The following HHAT variants were observed in gnomAD, a reference collection of about 807,000 sequenced individuals.
HHAT encodes protein-cysteine N-palmitoyltransferase HHAT.
In HHAT, 47 loss-of-function variants were observed where a neutral mutation model predicts 70.8. That is an observed-to-expected ratio of 0.66 (90% CI 0.53 to 0.85). HHAT has a LOEUF of 0.85. Among genes scored for constraint, HHAT ranks in the 40% least tolerant of loss-of-function variants. HHAT has a pLI of 0.00. For missense variants in HHAT, 609 were observed against 604.8 expected (o/e 1.01, Z -0.07); for synonymous variants, 228 against 247.6 (o/e 0.92, Z 0.74).
At chr1:210,521,242 G>C (rs573402498) in intron 9 of HHAT, among the ~76,000 whole-genome samples, 15 of 152,204 alleles carry the variant, frequency 9.9e-5, no homozygotes, top group Non-Finnish European at 2.2e-4. Context: ...CATGACAGCT[G>C]TTCACTGCTT....
At chr1:210,357,723 G>A (rs1187740078) in intron 2 of HHAT, among the ~76,000 whole-genome samples, 2 of 152,204 alleles carry the variant, frequency 1.3e-5, no homozygotes, top group Non-Finnish European at 2.9e-5. Context: ...GGGAGGCTGA[G>A]GCAGGAGAAT....
chr1:210,656,285 A>G (rs1251998551), intron 11 of HHAT, among the ~76,000 whole-genome samples: 2 of 151,252 alleles, frequency 1.3e-5, no homozygotes, highest in East Asian at 3.9e-4. Context: ...AGACCTACAT[A>G]GAGGAAGTGG....
chr1:210,652,665 G>A (rs1044254994), intron 11 of HHAT, among the ~76,000 whole-genome samples: 3 of 152,184 alleles, frequency 2.0e-5, no homozygotes, highest in East Asian at 1.9e-4. Context: ...TGCCTCACTC[G>A]TGTAGATCTA....
chr1:210,674,192 C>T (rs1680758742), intron 11 of HHAT, 96 bp from the exon 12 acceptor site: 1 of 963,354 alleles, frequency 1.0e-6, no homozygotes, highest in Non-Finnish European at 1.7e-6. Flanking sequence ...TGTTGTTTGT[C>T]AGGTTGCCTT....
intron 3 of HHAT, among the ~76,000 whole-genome samples, chr1:210,383,684 G>T (rs564828877): frequency 6.6e-6 from 1 of 152,146 alleles, no homozygotes; most frequent in Non-Finnish European, 1.5e-5. Flanking sequence ...ATATTACTGT[G>T]GTGGGAGATG....
At chr1:210,388,679 C>T (rs1345734117) in intron 4 of HHAT, among the ~76,000 whole-genome samples, 1 of 151,648 alleles carries the variant, frequency 6.6e-6, no homozygotes, top group Non-Finnish European at 1.5e-5. Flanking sequence ...TTTTTTTGTT[C>T]CTAAGCTAGT....
At chr1:210,362,236 C>CTTTTTTT (rs72236593) in intron 2 of HHAT, among the ~76,000 whole-genome samples, 3 of 139,672 alleles carry the variant, frequency 2.1e-5, no homozygotes, top group Non-Finnish European at 4.7e-5. Flanking sequence ...GTCAAAATTT[C>CTTTTTTT]TTTTTTTTTT....
rs564825256 is a variant in HHAT, at chr1:210,336,800, A to C, written c.-44+7696A>C. Among the ~76,000 whole-genome samples, 4 of 152,300 alleles carry C rather than the reference A, an allele frequency of 2.6e-5. No individual in the cohort carries two copies. The South Asian group carries it at 8.3e-4, about 32-fold the overall frequency. On this transcript the variant is annotated intron_variant, in intron 1 of 11. Transcript: ENST00000261458. ...CCTGTTTAAGAAAAAAATAAAAAAT[A>C]AGAAAAAGGAAGCCTTAAGGTTTTT...
chr1:210,615,575 C>G (rs902489317), intron 10 of HHAT, among the ~76,000 whole-genome samples: 7 of 152,124 alleles, frequency 4.6e-5, no homozygotes, highest in Admixed American at 6.5e-5. Context: ...GTTTTATTTA[C>G]CTTTGGTCTT....
intron 8 of HHAT, among the ~76,000 whole-genome samples, chr1:210,465,647 G>C (rs2148443504): frequency 1.3e-5 from 2 of 152,148 alleles, no homozygotes; most frequent in East Asian, 3.9e-4. Flanking sequence ...ATCTCTATAG[G>C]CAAAAAAACC....
intron 1 of HHAT, among the ~76,000 whole-genome samples, chr1:210,330,730 G>T (rs1472010126): frequency 2.0e-5 from 3 of 152,212 alleles, no homozygotes; most frequent in Non-Finnish European, 4.4e-5. Context: ...AACCTTTTTG[G>T]CACCAAGGAC....
intron 11 of HHAT, among the ~76,000 whole-genome samples, chr1:210,671,867 G>C (rs17016636): frequency 0.02 from 3,007 of 152,314 alleles, 61 homozygotes; most frequent in Middle Eastern, 0.034. Context: ...GCCAGGGGTC[G>C]TCTGCTGCCC....
At chr1:210,562,643 G>T (rs978421404) in intron 9 of HHAT, among the ~76,000 whole-genome samples, 1 of 150,816 alleles carries the variant, frequency 6.6e-6, no homozygotes, top group African/African-American at 2.5e-5. Flanking sequence ...TCCTGTGGTG[G>T]GTTTTTTTCT....
At chr1:210,638,401 G>A (rs1361591584) in intron 11 of HHAT, among the ~76,000 whole-genome samples, 1 of 152,140 alleles carries the variant, frequency 6.6e-6, no homozygotes, top group African/African-American at 2.4e-5. Flanking sequence ...TGGAAACACG[G>A]TAAATGAAAG....
intron 9 of HHAT, among the ~76,000 whole-genome samples, chr1:210,567,797 G>T (rs1655136712): frequency 6.6e-6 from 1 of 152,168 alleles, no homozygotes; most frequent in African/African-American, 2.4e-5. Context: ...CCAGGGACCT[G>T]CTTGCTGAGC....
chr1:210,340,242 G>GGGGGA (rs1553313987), intron 1 of HHAT, among the ~76,000 whole-genome samples: 2 of 99,784 alleles, frequency 2.0e-5, no homozygotes, highest in African/African-American at 3.4e-5. Flanking sequence ...CTCTGTCTCA[G>GGGGGA]AAAAAAAAAA....
chr1:210,535,449 G>T (rs1345851046), intron 9 of HHAT, among the ~76,000 whole-genome samples: 1 of 151,832 alleles, frequency 6.6e-6, no homozygotes, highest in African/African-American at 2.4e-5. Context: ...GTGTGTGTGT[G>T]TGTGTGGGGT....
intron 7 of HHAT, among the ~76,000 whole-genome samples, chr1:210,427,862 T>C (rs1029442286): frequency 3.3e-5 from 5 of 152,116 alleles, no homozygotes; most frequent in East Asian, 1.9e-4. Flanking sequence ...TAATTTTCTG[T>C]CTAGATGATC....
At chr1:210,354,456 A>G (rs527575960) in intron 2 of HHAT, among the ~76,000 whole-genome samples, 1 of 152,102 alleles carries the variant, frequency 6.6e-6, no homozygotes, top group Non-Finnish European at 1.5e-5. Context: ...TGCCGGGATT[A>G]CTGGTGATTA....
Sources: allele counts gnomAD v4.1 joint callset (sites outside exome capture counted in the v4.1 genomes callset), GRCh38; gene constraint gnomAD v4.1.1; transcripts MANE v1.5; gene names NCBI Gene and HGNC (gene_info 2026-07-23, HGNC 2026-07-21).